The following NAA16 variants were observed in gnomAD, a reference collection of about 807,000 sequenced individuals.
The protein encoded by NAA16 is N-alpha-acetyltransferase 16, NatA auxiliary subunit.
A neutral mutation model predicts 110.3 loss-of-function variants in NAA16; 97 were observed. That is an observed-to-expected ratio of 0.88 (90% CI 0.75 to 1.04). NAA16 has a LOEUF of 1.04. NAA16 is among the 50% of genes least tolerant of loss of function. The probability of loss-of-function intolerance (pLI) is 0.00; values close to 1 mark genes in which losing one functional copy is unlikely to be tolerated. For synonymous variants in NAA16, 372 were observed against 330.6 expected, an observed-to-expected ratio of 1.13 and a Z score of -1.36; for missense variants, 1,017 against 1,005.1, an observed-to-expected ratio of 1.01 and a Z score of -0.16.
intron 9 of NAA16, among the ~76,000 whole-genome samples, chr13:41,349,079 G>A (rs1288253893): frequency 1.3e-5 from 2 of 151,754 alleles, no homozygotes; most frequent in East Asian, 1.9e-4. Flanking sequence ...GCCAGGTTTT[G>A]GGTTTGTTGA....
rs530693738 is a variant in NAA16, at chr13:41,342,054, G to T, written c.1014+5298G>T. Among the ~76,000 whole-genome samples the T allele has an allele frequency of 6.6e-5, 10 of 150,930 alleles. 1 individual carries two copies. The South Asian group carries it at 1.3e-3, about 19-fold the overall frequency. On this transcript the variant is annotated intron_variant, in intron 9 of 19. Transcript: ENST00000379406. The stretch of plus-strand genomic sequence containing the variant: ...TCACTGTGTTCGCCAGGATGGTCTC[G>T]ATCTCCTGACCTCGTGATCCGCCCG...
At chr13:41,363,575 AT>A (rs2043154464) in intron 13 of NAA16, among the ~76,000 whole-genome samples, 1 of 152,250 alleles carries the variant, frequency 6.6e-6, no homozygotes, top group South Asian at 2.1e-4. Context: ...CATTTAGATT[AT>A]ACTTTCCCTT....
chr13:41,324,374 T>C (rs1395568300), intron 5 of NAA16, among the ~76,000 whole-genome samples: 145 of 130,854 alleles, frequency 1.1e-3, no homozygotes, highest in East Asian at 0.011. Flanking sequence ...TTTTTTTTTT[T>C]TTTTTTTTTT....
chr13:41,326,503 A>G (rs1007048698), intron 6 of NAA16, among the ~76,000 whole-genome samples: 4 of 152,204 alleles, frequency 2.6e-5, no homozygotes, highest in African/African-American at 4.8e-5. Context: ...CTCTTCTTCT[A>G]TTTGAGTATG....
At chr13:41,322,541 A>G (rs1264889255) in intron 4 of NAA16, among the ~76,000 whole-genome samples, 2 of 152,178 alleles carry the variant, frequency 1.3e-5, no homozygotes, top group East Asian at 1.9e-4. Context: ...TGGCAGAGAA[A>G]ATAATACTGA....
Position 41,347,210 on chromosome 13 carries a change from G to A in NAA16, c.1015-7934G>A, listed in dbSNP as rs142802658. Among the ~76,000 whole-genome samples the A allele has an allele frequency of 3.7e-3, 333 of 89,392 alleles. 11 individuals are homozygous for A. In the East Asian group the frequency reaches 0.082, roughly 22 times the overall value. 58.6% of individuals were successfully genotyped at this position (89,392 alleles called of 152,430 possible). ...CAGCGTGGCGACAGAGCGAGACTCCGTCTCAAAAAAAAAAAAACAAAAACA... is the reference window on the plus strand; with the variant it reads ...CAGCGTGGCGACAGAGCGAGACTCCATCTCAAAAAAAAAAAAACAAAAACA... On this transcript the variant is annotated intron_variant, in intron 9 of 19. Transcript: ENST00000379406.
chr13:41,343,772 C>T (rs867935735), intron 9 of NAA16, among the ~76,000 whole-genome samples: 1 of 152,198 alleles, frequency 6.6e-6, no homozygotes, highest in African/African-American at 2.4e-5. Context: ...AACTCCTGAG[C>T]TCAGGCAGTC....
At chr13:41,319,987 G>A (rs1389358013) in intron 3 of NAA16, among the ~76,000 whole-genome samples, 1 of 151,528 alleles carries the variant, frequency 6.6e-6, no homozygotes, top group Admixed American at 6.6e-5. Context: ...AATAATCTTA[G>A]TAGTGTTTTC....
chr13:41,364,113 T>C (rs1372715606), intron 13 of NAA16, among the ~76,000 whole-genome samples: 1 of 152,108 alleles, frequency 6.6e-6, no homozygotes, highest in East Asian at 1.9e-4. Flanking sequence ...ATAATAGGTA[T>C]CTACATGAGT....
intron 19 of NAA16, 106 bp from the exon 20 acceptor site, chr13:41,375,299 T>A (rs571730897): frequency 2.7e-6 from 2 of 741,910 alleles, no homozygotes; most frequent in East Asian, 5.4e-5. Context: ...TATTTTAGAC[T>A]GAGGCAGCTT....
chr13:41,343,239 C>T (rs759838932), intron 9 of NAA16, among the ~76,000 whole-genome samples: 6 of 146,962 alleles, frequency 4.1e-5, no homozygotes, highest in East Asian at 2.1e-4. Flanking sequence ...TGAGTAGACG[C>T]GTGCCACGAT....
At position 41,358,321 on chromosome 13, in the gene NAA16, C is replaced by A. The variant is rs1427430499; in HGVS notation, c.1105C>A (p.Pro369Thr). Residue 369 changes from proline (P) to threonine (T), a missense_variant, in exon 11 of 20, where the codon CCC becomes ACC. By Grantham distance (38) the Pro-to-Thr change is conservative (BLOSUM62 -1). Coordinates refer to ENST00000379406, the MANE Select transcript of NAA16 (RefSeq NM_024561.5). The stretch of plus-strand genomic sequence containing the variant: ...GATTGCAGAGAATGGGGAGAAGGAA[C>A]CCCCGACAACACTACTCTGGGTTCA... ...FSPYENGEKE[P>T]PTTLLWVQYF... 1 of 1,613,122 alleles carries A rather than the reference C, an allele frequency of 6.2e-7. No homozygotes were observed. The highest frequency in any genetic ancestry group is 8.5e-7 in the Non-Finnish European group (1 of 1,179,408).
Position 41,328,725 on chromosome 13 carries a change from G to A in NAA16, c.693G>A (p.Gly231=), listed in dbSNP as rs1173955697. 1 of 1,603,480 alleles carries A rather than the reference G, an allele frequency of 6.2e-7. No individual in the cohort carries two copies. Among genetic ancestry groups the A allele is most frequent in the African/African-American group, 1.3e-5 (1 of 74,538 alleles). The change falls in exon 7 of 20, where the codon GGG becomes GGA. Residue 231 remains glycine (G), a splice_region_variant and synonymous_variant. Coordinates refer to ENST00000379406, the MANE Select transcript of NAA16 (RefSeq NM_024561.5). ...CDKLLVEEIK[G]EILLKLGRLK... ...ATATGTCTTTAAACTTAATTTCAGG[G>A]GAAATACTGTTGAAATTGGGAAGAT...
At chr13:41,360,169 A>G (rs963103056) in intron 12 of NAA16, among the ~76,000 whole-genome samples, 1 of 152,222 alleles carries the variant, frequency 6.6e-6, no homozygotes, top group African/African-American at 2.4e-5. Context: ...GTAAAATGCA[A>G]TTAAATATGA....
At chr13:41,344,359 G>C (rs995007823) in intron 9 of NAA16, among the ~76,000 whole-genome samples, 1 of 152,202 alleles carries the variant, frequency 6.6e-6, no homozygotes, top group Non-Finnish European at 1.5e-5. Flanking sequence ...TTTTATTTCT[G>C]TTGTGGAAGT....
chr13:41,343,701 AT>A (rs1176850935), intron 9 of NAA16, among the ~76,000 whole-genome samples: 9 of 151,736 alleles, frequency 5.9e-5, no homozygotes, highest in Admixed American at 1.3e-4. Context: ...GGCTAATTTT[AT>A]TTTATTTTTT....
intron 12 of NAA16, among the ~76,000 whole-genome samples, 160 bp downstream of exon 12, chr13:41,359,122 G>C (rs1404031124): frequency 6.6e-6 from 1 of 152,072 alleles, no homozygotes; most frequent in Non-Finnish European, 1.5e-5. Flanking sequence ...TCCTAAGAAT[G>C]GTTTCTTACT....
chr13:41,352,638 G>A (rs2042867643), intron 9 of NAA16, among the ~76,000 whole-genome samples: 1 of 152,150 alleles, frequency 6.6e-6, no homozygotes, highest in South Asian at 2.1e-4. Context: ...CTAGGCAACA[G>A]AGTGAGACTT....
chr13:41,316,346 T>G (rs111672830), intron 1 of NAA16, among the ~76,000 whole-genome samples: 7,878 of 148,702 alleles, frequency 0.053, 265 homozygotes, highest in Non-Finnish European at 0.075. Flanking sequence ...TCGCTCTGTT[T>G]CCCAGGCTGG....
Sources: gnomAD v4.1 joint callset for allele counts (sites outside exome capture counted in the v4.1 genomes callset) on GRCh38, gnomAD v4.1.1 for gene constraint, MANE v1.5 for transcripts, NCBI Gene and HGNC (gene_info 2026-07-23, HGNC 2026-07-21) for gene names.